The following TERB1 variants were observed in gnomAD, a reference collection of about 807,000 sequenced individuals.
TERB1 encodes telomere repeat binding bouquet formation protein 1.
A neutral mutation model predicts 92.3 loss-of-function variants in TERB1; 63 were observed. That is an observed-to-expected ratio of 0.68 (90% CI 0.56 to 0.84). The LOEUF (loss-of-function observed/expected upper bound fraction) is 0.84, where lower values mean the gene tolerates loss of function less well. Among genes scored for constraint, TERB1 ranks in the 40% least tolerant of loss-of-function variants. The probability of loss-of-function intolerance (pLI) is 0.00; values close to 1 mark genes in which losing one functional copy is unlikely to be tolerated. For synonymous variants in TERB1, 252 were observed against 283.9 expected, an observed-to-expected ratio of 0.89 and a Z score of 1.13; for missense variants, 709 against 843.7, an observed-to-expected ratio of 0.84 and a Z score of 1.98.
At chr16:66,757,705 C>T (rs897901298) in intron 18 of TERB1, among the ~76,000 whole-genome samples, 1 of 152,250 alleles carries the variant, frequency 6.6e-6, no homozygotes, top group Non-Finnish European at 1.5e-5. Context: ...GAATGTATCA[C>T]GTCCAAATGT....
At chr16:66,774,255 G>A (rs1172543525) in intron 12 of TERB1, among the ~76,000 whole-genome samples, 23 of 137,416 alleles carry the variant, frequency 1.7e-4, no homozygotes, top group African/African-American at 5.0e-4. Flanking sequence ...GCGCAATCTC[G>A]GCTCACTGCA....
chr16:66,785,169 GC>G (rs2018707798), intron 9 of TERB1, among the ~76,000 whole-genome samples: 1 of 151,624 alleles, frequency 6.6e-6, no homozygotes, highest in African/African-American at 2.4e-5. Context: ...ATAGGTGTCT[GC>G]CACCATGCCC....
chr16:66,757,902 ATTGT>A (rs1269673695), intron 18 of TERB1, among the ~76,000 whole-genome samples: 2 of 152,332 alleles, frequency 1.3e-5, no homozygotes, highest in South Asian at 2.1e-4. Flanking sequence ...AAATTAACTA[ATTGT>A]TTAAGAGGCA....
At chr16:66,794,918 A>ACACACACAC (rs1032686076) in intron 3 of TERB1, among the ~76,000 whole-genome samples, 4 of 147,480 alleles carry the variant, frequency 2.7e-5, no homozygotes, top group African/African-American at 7.7e-5. Flanking sequence ...TCAAAAAAAA[A>ACACACACAC]AAAAACACAC....
At chr16:66,783,723 T>G (rs563727871) in intron 9 of TERB1, among the ~76,000 whole-genome samples, 1 of 152,250 alleles carries the variant, frequency 6.6e-6, no homozygotes, top group South Asian at 2.1e-4. Flanking sequence ...TGCGTTTTGT[T>G]GTTGTTGTTG....
At chr16:66,786,801 CAGA>C (rs952824594) in intron 6 of TERB1, among the ~76,000 whole-genome samples, 12 of 152,148 alleles carry the variant, frequency 7.9e-5, no homozygotes, top group Non-Finnish European at 1.6e-4. Context: ...CCACTGCTAG[CAGA>C]AGAAGGTGAG....
intron 11 of TERB1, among the ~76,000 whole-genome samples, chr16:66,775,542 A>C (rs757086341): frequency 6.6e-6 from 1 of 151,986 alleles, no homozygotes; most frequent in African/African-American, 2.4e-5. Context: ...ATTGAGGCAC[A>C]ATAACTGCTT....
intron 14 of TERB1, 115 bp downstream of exon 14, chr16:66,769,848 A>G: frequency 1.3e-6 from 1 of 781,922 alleles, no homozygotes; most frequent in South Asian, 1.9e-5. Flanking sequence ...TCTTCCCAAG[A>G]CCATGTTTCA....
At chr16:66,759,475 G>A (rs1056243460) in intron 16 of TERB1, among the ~76,000 whole-genome samples, 185 bp from the exon 17 acceptor site, 2 of 152,234 alleles carry the variant, frequency 1.3e-5, no homozygotes, top group Admixed American at 6.5e-5. Flanking sequence ...AGTGCTGGGA[G>A]GGAGGTATGA....
chr16:66,771,638 TACACACAC>T (rs57620654), intron 13 of TERB1, among the ~76,000 whole-genome samples: 39,492 of 142,908 alleles, frequency 0.28, 6,064 homozygotes, highest in East Asian at 0.51. Flanking sequence ...TGTTACAGAA[TACACACAC>T]ACACACACAC....
At chr16:66,791,099 C>G in intron 3 of TERB1, 80 bp from the exon 4 acceptor site, 1 of 709,674 alleles carries the variant, frequency 1.4e-6, no homozygotes, top group South Asian at 2.3e-5. Flanking sequence ...TTACTAAATA[C>G]ATATCTTTGG....
intron 9 of TERB1, among the ~76,000 whole-genome samples, chr16:66,781,922 G>T (rs563511821): frequency 1.3e-5 from 2 of 152,190 alleles, no homozygotes; most frequent in East Asian, 1.9e-4. Context: ...TATTTCAATG[G>T]AGTCCAATTT....
Position 66,790,727 on chromosome 16 carries a change from T to C in TERB1, c.143-4A>G. ...CGAAAATAAACACTTGCATTACCTG[T>C]AGGATGTGCAGAAAAAAAACAAAAT... On this transcript the variant is annotated splice_polypyrimidine_tract_variant and splice_region_variant and intron_variant, in intron 4 of 18. Coordinates refer to ENST00000433154, the MANE Select transcript of TERB1 (RefSeq NM_001136505.2). The C allele has an allele frequency of 6.5e-7, 1 of 1,547,322 alleles. No homozygotes were observed. Among genetic ancestry groups the C allele is most frequent in the African/African-American group, 1.4e-5 (1 of 72,884 alleles).
At position 66,790,458 on chromosome 16, in the gene TERB1, G is replaced by A. The variant is rs976033427; in HGVS notation, c.271+137C>T. ...GAGAGAAAGAGAGAAAGGAAGGGAG[G>A]GGGGAAGGAGGCTAGATAAAATTAT... On this transcript the variant is annotated intron_variant, in intron 5 of 18. Coordinates refer to ENST00000433154, the MANE Select transcript of TERB1 (RefSeq NM_001136505.2). The A allele has an allele frequency of 7.1e-6, 4 of 561,778 alleles. No homozygotes were observed. The Admixed American group carries it at 1.1e-4, about 16-fold the overall frequency. The allele number at this position is 561,778 out of a possible 1,614,324, so 34.8% of individuals were successfully genotyped here.
At chr16:66,772,830 T>C in intron 12 of TERB1, 81 bp from the exon 13 acceptor site, 2 of 1,082,034 alleles carry the variant, frequency 1.8e-6, no homozygotes, top group Non-Finnish European at 1.3e-6. Flanking sequence ...GCCCACCCTC[T>C]CCTTTCTCTA....
intron 12 of TERB1, among the ~76,000 whole-genome samples, chr16:66,774,272 G>A (rs145178144): frequency 1.4e-5 from 2 of 142,244 alleles, no homozygotes; most frequent in African/African-American, 5.3e-5. Flanking sequence ...TGCAAGCTCT[G>A]CCTCCCGGGT....
At chr16:66,801,611 G>T (rs2145292015), upstream of TERB1, 1 of 152,380 alleles carries the variant, frequency 6.6e-6, no homozygotes, top group East Asian at 1.9e-4. Context: ...CAGCCGACCA[G>T]GCTCACGTCC....
Position 66,754,886 on chromosome 16 carries a change from C to A in TERB1, c.*90G>T. ...CTGTATCCTCATTTCCACATTCCTT[C>A]TCATGAGAGTTTAGAAAAATACTTT... On this transcript the variant is annotated 3_prime_UTR_variant, in exon 19 of 19. Transcript: ENST00000433154. 1 of 1,190,818 alleles carries A rather than the reference C, an allele frequency of 8.4e-7. No individual in the cohort carries two copies. Among genetic ancestry groups the A allele is most frequent in the South Asian group, 1.5e-5 (1 of 68,406 alleles). The allele number at this position is 1,190,818 out of a possible 1,614,324, so 73.8% of individuals were successfully genotyped here.
chr16:66,760,383 C>T (rs1289451539), intron 16 of TERB1, among the ~76,000 whole-genome samples: 6 of 139,232 alleles, frequency 4.3e-5, no homozygotes, highest in Non-Finnish European at 7.6e-5. Flanking sequence ...CACTTGAACC[C>T]GCCAGGCGGA....
Sources: gnomAD v4.1 joint callset for allele counts (sites outside exome capture counted in the v4.1 genomes callset) on GRCh38, gnomAD v4.1.1 for gene constraint, MANE v1.5 for transcripts, NCBI Gene and HGNC (gene_info 2026-07-23, HGNC 2026-07-21) for gene names.